DACH2: variants seen among roughly 807,000 people sequenced by gnomAD.
DACH2 encodes the protein dachshund homolog 2.
DACH2 carries 17 observed loss-of-function variants against 35.8 expected under a neutral mutation model. That is an observed-to-expected ratio of 0.48 (90% CI 0.33 to 0.71). The LOEUF (loss-of-function observed/expected upper bound fraction) is 0.71, where lower values mean the gene tolerates loss of function less well. DACH2 is among the 30% of genes least tolerant of loss of function. The pLI, the probability that DACH2 is intolerant of heterozygous loss-of-function variation, is 0.02. For missense variants in DACH2, 469 were observed against 472.7 expected (o/e 0.99, Z 0.07); for synonymous variants, 195 against 177.3 (o/e 1.10, Z -0.79).
chrX:86,416,180 A>C (rs2148150630), intron 2 of DACH2, among the ~76,000 whole-genome samples: 1 of 112,468 alleles, frequency 8.9e-6, no homozygotes, highest in South Asian at 3.7e-4. Context: ...ATCTGAAATT[A>C]AAGCCATAGA....
At chrX:86,473,105 C>T (rs1344003432) in intron 2 of DACH2, among the ~76,000 whole-genome samples, 4 of 111,470 alleles carry the variant, frequency 3.6e-5, no homozygotes, top group African/African-American at 9.8e-5. Context: ...GCGTAATAAT[C>T]GCAACAGTTA....
chrX:86,302,874 T>C (rs764046098), intron 1 of DACH2, among the ~76,000 whole-genome samples: 1 of 109,771 alleles, frequency 9.1e-6, no homozygotes, highest in South Asian at 3.9e-4. Context: ...TTTGAAAAGA[T>C]GATAAATGAT....
intron 5 of DACH2, among the ~76,000 whole-genome samples, chrX:86,697,043 G>A (rs1054009065): frequency 7.2e-5 from 8 of 111,418 alleles, no homozygotes; most frequent in African/African-American, 2.6e-4. Context: ...TATGTGAGGG[G>A]AAAAGAACAG....
chrX:86,314,971 G>T (rs1482680620), intron 1 of DACH2, among the ~76,000 whole-genome samples: 1 of 112,400 alleles, frequency 8.9e-6, no homozygotes, highest in African/African-American at 3.2e-5. Context: ...TGAGGAAGTT[G>T]TTTGGTTACA....
intron 3 of DACH2, among the ~76,000 whole-genome samples, chrX:86,553,426 G>A (rs947627958): frequency 1.1e-4 from 12 of 111,329 alleles, no homozygotes; most frequent in Non-Finnish European, 2.1e-4. Flanking sequence ...CCAGTCCACC[G>A]ACTCAAATGT....
chrX:86,549,103 A>G (rs749662432), intron 3 of DACH2, among the ~76,000 whole-genome samples: 32 of 111,743 alleles, frequency 2.9e-4, no homozygotes, highest in African/African-American at 9.7e-4. Context: ...TGGTATTTGC[A>G]GAAGTGGGTG....
At chrX:86,494,790 A>G (rs1298240191) in intron 2 of DACH2, among the ~76,000 whole-genome samples, 2 of 112,446 alleles carry the variant, frequency 1.8e-5, no homozygotes, top group African/African-American at 6.5e-5. Flanking sequence ...CAAAATTATC[A>G]ATTGCAATAA....
At chrX:86,432,527 T>G (rs1479100119) in intron 2 of DACH2, among the ~76,000 whole-genome samples, 1 of 111,870 alleles carries the variant, frequency 8.9e-6, no homozygotes, top group Admixed American at 9.5e-5. Context: ...AAGAAATATC[T>G]TGAAGGTTGG....
rs753659083 is a variant in DACH2 at position 86,739,892 on chromosome X, T to C, written c.1240+10T>C. The C allele has an allele frequency of 3.4e-6, 4 of 1,181,254 alleles. No homozygotes were observed. Among genetic ancestry groups the C allele is most frequent in the Non-Finnish European group, 4.5e-6 (4 of 881,188 alleles). On this transcript the variant is annotated intron_variant, in intron 7 of 11. Transcript: ENST00000373125. ...CATTTGGAAAGAATGGGTGAGTAACTTTTCTGAAACAGGTAATTGGAAAAC... is the reference window on the plus strand; with the variant it reads ...CATTTGGAAAGAATGGGTGAGTAACCTTTCTGAAACAGGTAATTGGAAAAC...
At chrX:86,578,572 C>G (rs1223397168) in intron 3 of DACH2, among the ~76,000 whole-genome samples, 1 of 111,654 alleles carries the variant, frequency 9.0e-6, no homozygotes, top group Non-Finnish European at 1.9e-5. Context: ...GCTATATGCA[C>G]TTAAGATTCA....
chrX:86,313,516 G>C (rs1327903277), intron 1 of DACH2, among the ~76,000 whole-genome samples: 2 of 112,000 alleles, frequency 1.8e-5, no homozygotes, highest in African/African-American at 6.5e-5. Flanking sequence ...GACTCAACTT[G>C]AATGCAGGTC....
At chrX:86,323,370 T>C (rs770203302) in intron 1 of DACH2, among the ~76,000 whole-genome samples, 27 of 111,640 alleles carry the variant, frequency 2.4e-4, no homozygotes, top group African/African-American at 8.5e-4. Context: ...AGTGTTATCA[T>C]TAGGAGTTAA....
At chrX:86,787,134 A>G (rs1192031905) in intron 7 of DACH2, among the ~76,000 whole-genome samples, 1 of 112,093 alleles carries the variant, frequency 8.9e-6, no homozygotes, top group Non-Finnish European at 1.9e-5. Context: ...TGTCTTTATC[A>G]GTAGCATGAA....
intron 2 of DACH2, among the ~76,000 whole-genome samples, chrX:86,426,961 G>C (rs781764483): frequency 5.1e-4 from 57 of 112,381 alleles, no homozygotes; most frequent in Middle Eastern, 4.6e-3. Flanking sequence ...TTTAGAAAGT[G>C]CCTATCAGGC....
chrX:86,324,134 T>G (rs1474964699), intron 1 of DACH2, among the ~76,000 whole-genome samples: 1 of 111,984 alleles, frequency 8.9e-6, no homozygotes, highest in Non-Finnish European at 1.9e-5. Flanking sequence ...TTTCTGAGCT[T>G]CTTTTTGTTA....
rs185714841 is a variant in DACH2, at chrX:86,740,175, C to T, written c.1240+293C>T. Among the ~76,000 whole-genome samples, 37 of 110,215 alleles carry T rather than the reference C, an allele frequency of 3.4e-4. 1 individual carries two copies. The East Asian group carries it at 7.2e-3, about 21-fold the overall frequency. ...GGTGAGTTCTATATGTGATACAATA[C>T]GCCTGACACAGTCACAACATCTTTT... On this transcript the variant is annotated intron_variant, in intron 7 of 11. Coordinates refer to ENST00000373125, the MANE Select transcript of DACH2 (RefSeq NM_053281.3).
At chrX:86,376,449 A>T (rs1354919550) in intron 1 of DACH2, among the ~76,000 whole-genome samples, 2 of 110,189 alleles carry the variant, frequency 1.8e-5, no homozygotes, top group African/African-American at 3.3e-5. Context: ...ATATTGCTGA[A>T]TTTTTTTGGA....
chrX:86,611,712 A>G (rs2039946860), intron 3 of DACH2, among the ~76,000 whole-genome samples: 1 of 110,635 alleles, frequency 9.0e-6, no homozygotes, highest in African/African-American at 3.3e-5. Flanking sequence ...ACTAAATTCA[A>G]TGCCAAGTCT....
At chrX:86,549,235 T>G (rs2148309407) in intron 3 of DACH2, among the ~76,000 whole-genome samples, 1 of 111,987 alleles carries the variant, frequency 8.9e-6, no homozygotes, top group Admixed American at 9.5e-5. Flanking sequence ...CATTTGTGTA[T>G]TTTGAGATAC....
Sources: allele counts gnomAD v4.1 joint callset (sites outside exome capture counted in the v4.1 genomes callset), GRCh38; gene constraint gnomAD v4.1.1; transcripts MANE v1.5; gene names NCBI Gene and HGNC (gene_info 2026-07-23, HGNC 2026-07-21).